Variants in ST7 observed in about 807,000 individuals in gnomAD.
ST7 encodes suppressor of tumorigenicity 7 protein.
In ST7, 28 loss-of-function variants were observed where a neutral mutation model predicts 78.7. The ratio of observed to expected loss-of-function variants is 0.36; its 90% confidence interval spans 0.26 to 0.49. The LOEUF (loss-of-function observed/expected upper bound fraction) is 0.49. Ranked by LOEUF, ST7 falls within the 20% of genes least tolerant of loss-of-function variation. The probability of loss-of-function intolerance (pLI) is 0.99; values close to 1 mark genes in which losing one functional copy is unlikely to be tolerated. For missense variants in ST7, 418 were observed against 696.0 expected (o/e 0.60, Z 4.49); for synonymous variants, 247 against 249.6 (o/e 0.99, Z 0.10).
intron 1 of ST7, among the ~76,000 whole-genome samples, chr7:117,044,204 G>A (rs927204837): frequency 2.0e-5 from 3 of 152,142 alleles, no homozygotes; most frequent in African/African-American, 7.2e-5. Context: ...ATATCTGATG[G>A]AATTTCGTTT....
intron 1 of ST7, among the ~76,000 whole-genome samples, chr7:117,041,221 A>G (rs997076740): frequency 2.0e-5 from 3 of 152,178 alleles, no homozygotes; most frequent in African/African-American, 2.4e-5. Context: ...TCTTTACCAC[A>G]TGTTCATTTT....
intron 1 of ST7, among the ~76,000 whole-genome samples, chr7:117,082,572 A>G (rs950416831): frequency 6.6e-6 from 1 of 152,244 alleles, no homozygotes; most frequent in Non-Finnish European, 1.5e-5. Flanking sequence ...ACGGTCATTT[A>G]AACCTGTGCT....
chr7:117,017,254 C>G (rs925837635), intron 1 of ST7, among the ~76,000 whole-genome samples: 2 of 152,192 alleles, frequency 1.3e-5, no homozygotes, highest in African/African-American at 4.8e-5. Context: ...GTTTGTTTCT[C>G]TGTCTCACTC....
At chr7:116,972,482 C>T (rs1793476332) in intron 1 of ST7, 1 of 870,722 alleles carries the variant, frequency 1.1e-6, no homozygotes, top group Admixed American at 1.9e-5. Flanking sequence ...GTTTGTTCCT[C>T]TGTGCGTTCC....
intron 13 of ST7, among the ~76,000 whole-genome samples, chr7:117,210,180 G>A (rs937094395): frequency 2.6e-5 from 4 of 152,176 alleles, no homozygotes; most frequent in African/African-American, 9.6e-5. Flanking sequence ...GGTGAACCCA[G>A]ATGTTCTTCA....
chr7:117,175,625 T>A (rs774524330), intron 10 of ST7, among the ~76,000 whole-genome samples: 38 of 152,144 alleles, frequency 2.5e-4, no homozygotes, highest in Non-Finnish European at 4.3e-4. Flanking sequence ...TACTTAACAT[T>A]CCAAGCCTTG....
chr7:117,049,727 A>G (rs1797669947), intron 1 of ST7, among the ~76,000 whole-genome samples: 1 of 152,212 alleles, frequency 6.6e-6, no homozygotes, highest in South Asian at 2.1e-4. Flanking sequence ...AGATTCATGT[A>G]TCTCGAAGTG....
intron 9 of ST7, among the ~76,000 whole-genome samples, chr7:117,166,275 A>G (rs1807546409): frequency 6.6e-6 from 1 of 152,120 alleles, no homozygotes; most frequent in African/African-American, 2.4e-5. Context: ...ATTACAAAAT[A>G]TAGTTTGTAT....
chr7:117,176,709 C>T (rs899872945), intron 10 of ST7, among the ~76,000 whole-genome samples: 2 of 152,152 alleles, frequency 1.3e-5, no homozygotes, highest in African/African-American at 4.8e-5. Flanking sequence ...TGTGAGATGT[C>T]TGGAGGTCCA....
chr7:117,216,050 CCTTTTGTCATTT>C (rs1792667645), intron 13 of ST7, among the ~76,000 whole-genome samples: 1 of 151,952 alleles, frequency 6.6e-6, no homozygotes, highest in African/African-American at 2.4e-5. Flanking sequence ...ATGTATCCAT[CCTTTTGTCATTT>C]CTTTGGTTCT....
chr7:117,221,009 C>A (rs2116168623), intron 14 of ST7, among the ~76,000 whole-genome samples: 1 of 152,200 alleles, frequency 6.6e-6, no homozygotes, highest in South Asian at 2.1e-4. Flanking sequence ...TTAGAGTGGG[C>A]TGTTTCTCAC....
At chr7:117,093,655 C>T (rs558584272) in intron 1 of ST7, among the ~76,000 whole-genome samples, 11 of 152,178 alleles carry the variant, frequency 7.2e-5, no homozygotes, top group African/African-American at 2.6e-4. Context: ...CAGCCAAGAT[C>T]GCACCACTGT....
chr7:117,042,946 C>A (rs1278140531), intron 1 of ST7, among the ~76,000 whole-genome samples: 1 of 151,954 alleles, frequency 6.6e-6, no homozygotes, highest in Non-Finnish European at 1.5e-5. Context: ...TATATATATT[C>A]TTTCATCATG....
chr7:117,023,856 C>A lies in ST7; in HGVS notation c.151+70165C>A, dbSNP rs545657150. Among the ~76,000 whole-genome samples the A allele has an allele frequency of 4.5e-3, 679 of 151,886 alleles. 6 individuals are homozygous for A. The highest frequency in any genetic ancestry group is 5.9e-3 in the Non-Finnish European group (403 of 67,956). On this transcript the variant is annotated intron_variant, in intron 1 of 15. Transcript: ENST00000323984. ...TCACCCTGTTGCTCTGTGGCCCAGG[C>A]TGGAGTGCAGTGGCACAATCTTGGC...
intron 2 of ST7, among the ~76,000 whole-genome samples, chr7:117,103,637 A>G (rs929486891): frequency 1.3e-5 from 2 of 152,208 alleles, no homozygotes; most frequent in South Asian, 2.1e-4. Context: ...ACCTGAAACC[A>G]TGACACTGTG....
At position 117,004,338 on chromosome 7, in the gene ST7, A is replaced by G. The variant is rs535199790; in HGVS notation, c.151+50647A>G. 2.0e-5 allele frequency among the ~76,000 whole-genome samples: 3 copies of G among 152,314 alleles called. No homozygotes were observed. The South Asian group carries it at 6.2e-4, about 32-fold the overall frequency. On this transcript the variant is annotated intron_variant, in intron 1 of 15. Coordinates refer to ENST00000323984, the MANE Select transcript of ST7 (RefSeq NM_001369598.1). ...TGGCTCTGAATTGTACCATTTCATC[A>G]TGGGTAAGTCTCTGGAGAGAAAGCA...
intron 1 of ST7, among the ~76,000 whole-genome samples, chr7:116,963,282 G>C (rs550399124): frequency 6.6e-6 from 1 of 152,288 alleles, no homozygotes; most frequent in South Asian, 2.1e-4. Flanking sequence ...TATCTGTAAA[G>C]GGCTTTGGAT....
At chr7:117,117,506 GTCTTC>G (rs1302829149) in intron 2 of ST7, among the ~76,000 whole-genome samples, 1 of 152,118 alleles carries the variant, frequency 6.6e-6, no homozygotes, top group African/African-American at 2.4e-5. Context: ...GTCCTTTGGA[GTCTTC>G]TCTTCTAATA....
At chr7:117,052,261 C>A (rs943420397) in intron 1 of ST7, among the ~76,000 whole-genome samples, 4 of 152,290 alleles carry the variant, frequency 2.6e-5, no homozygotes, top group Non-Finnish European at 4.4e-5. Flanking sequence ...GTATGTATTT[C>A]AACTAGAAAG....
Sources: allele counts gnomAD v4.1 joint callset (sites outside exome capture counted in the v4.1 genomes callset), GRCh38; gene constraint gnomAD v4.1.1; transcripts MANE v1.5; gene names NCBI Gene and HGNC (gene_info 2026-07-23, HGNC 2026-07-21).